AMPH: variants seen among roughly 807,000 people sequenced by gnomAD.
AMPH encodes the protein amphiphysin.
A neutral mutation model predicts 99.1 loss-of-function variants in AMPH; 49 were observed. That is an observed-to-expected ratio of 0.49 (90% CI 0.39 to 0.63). The LOEUF (loss-of-function observed/expected upper bound fraction) is 0.63, where lower values mean the gene tolerates loss of function less well. Among genes scored for constraint, AMPH ranks in the 20% least tolerant of loss-of-function variants. The pLI is 0.00. For synonymous variants in AMPH, 314 were observed against 317.3 expected (o/e 0.99, Z 0.11); for missense variants, 759 against 863.4 (o/e 0.88, Z 1.52).
intron 1 of AMPH, among the ~76,000 whole-genome samples, chr7:38,537,263 T>G (rs928640786): frequency 6.6e-6 from 1 of 152,110 alleles, no homozygotes; most frequent in Admixed American, 6.5e-5. Context: ...TCTGATTGAG[T>G]GGCTCACATG....
chr7:38,401,689 C>T (rs1301365927), intron 17 of AMPH, among the ~76,000 whole-genome samples: 1 of 152,044 alleles, frequency 6.6e-6, no homozygotes, highest in East Asian at 1.9e-4. Context: ...ATTTGTAGTG[C>T]TTTCTTATTT....
intron 1 of AMPH, among the ~76,000 whole-genome samples, chr7:38,622,540 G>A (rs1230798166): frequency 6.6e-6 from 1 of 151,908 alleles, no homozygotes; most frequent in Non-Finnish European, 1.5e-5. Context: ...TTACAGGAAT[G>A]GATACCAGAG....
At chr7:38,613,161 T>C (rs1401145950) in intron 1 of AMPH, among the ~76,000 whole-genome samples, 2 of 152,220 alleles carry the variant, frequency 1.3e-5, no homozygotes, top group East Asian at 1.9e-4. Flanking sequence ...GAATCCATAA[T>C]TGACTCATTC....
chr7:38,464,144 G>T (rs1584125639), intron 9 of AMPH: 5 of 1,288,896 alleles, frequency 3.9e-6, no homozygotes, highest in Non-Finnish European at 5.1e-6. Flanking sequence ...TCATTAAGTG[G>T]TCATGGCCCC....
At chr7:38,489,752 C>T (rs889405322) in intron 5 of AMPH, among the ~76,000 whole-genome samples, 2 of 152,032 alleles carry the variant, frequency 1.3e-5, no homozygotes, top group Non-Finnish European at 2.9e-5. Context: ...TACAAACAAC[C>T]TCAGAGAAGC....
At chr7:38,447,177 G>A (rs1436439447) in intron 11 of AMPH, among the ~76,000 whole-genome samples, 3 of 152,060 alleles carry the variant, frequency 2.0e-5, no homozygotes, top group Non-Finnish European at 4.4e-5. Context: ...GTGCCACCAT[G>A]CCCAGTCAAT....
chr7:38,466,364 T>C (rs995292052), intron 7 of AMPH, 116 bp from the exon 8 acceptor site: 2 of 802,814 alleles, frequency 2.5e-6, no homozygotes, highest in Non-Finnish European at 4.0e-6. Flanking sequence ...CCATTTTGAA[T>C]AACTTTGGAC....
intron 17 of AMPH, among the ~76,000 whole-genome samples, chr7:38,397,648 G>A (rs79423931): frequency 0.058 from 8,837 of 152,236 alleles, 356 homozygotes; most frequent in East Asian, 0.19. Flanking sequence ...CACACAAAGC[G>A]AAAATGGACA....
chr7:38,525,291 G>GAA (rs1562806935), intron 2 of AMPH, among the ~76,000 whole-genome samples: 1 of 128,184 alleles, frequency 7.8e-6, no homozygotes, highest in Non-Finnish European at 1.7e-5. Flanking sequence ...GAGAGAGAGA[G>GAA]AGAGAGAGAG....
intron 7 of AMPH, among the ~76,000 whole-genome samples, chr7:38,471,944 T>C (rs1445298030): frequency 6.6e-6 from 1 of 152,062 alleles, no homozygotes; most frequent in African/African-American, 2.4e-5. Flanking sequence ...TATAAACATA[T>C]ATACACCTAA....
rs1456776229 is a variant in AMPH at position 38,465,535 on chromosome 7, C to T, written c.681G>A (p.Leu227=). 6.3e-7 allele frequency: 1 copy of T among 1,582,346 alleles called. No homozygotes were observed. Among genetic ancestry groups the T allele is most frequent in the East Asian group, 2.3e-5 (1 of 44,088 alleles). Residue 227 remains leucine (L), a synonymous_variant, in exon 9 of 21, where the codon CTG becomes CTA. Coordinates refer to ENST00000356264, the MANE Select transcript of AMPH (RefSeq NM_001635.4). ...HKEIAVLCHK[L]YEVMTKLGDQ... is the part of the protein sequence containing the mutation. ...CACCCAGTTTTGTCATCACTTCATACAGTTTGTGGCAAAGCTAAGGGGACA... is the reference window on the plus strand; with the variant it reads ...CACCCAGTTTTGTCATCACTTCATATAGTTTGTGGCAAAGCTAAGGGGACA...
rs1336990733 is a variant in AMPH, at chr7:38,460,651, C to G, written c.1017+632G>C. 2.6e-5 allele frequency among the ~76,000 whole-genome samples: 4 copies of G among 152,102 alleles called. No individual in the cohort carries two copies. In the East Asian group the frequency reaches 7.7e-4, roughly 29 times the overall value. ...TAATATATGGGAGCTTAGAAACAAT[C>G]GATCTCATGGAGATAGAGGATAGAA... On this transcript the variant is annotated intron_variant, in intron 11 of 20. Transcript: ENST00000356264.
chr7:38,584,866 T>C (rs1284795957), intron 1 of AMPH, among the ~76,000 whole-genome samples: 1 of 152,188 alleles, frequency 6.6e-6, no homozygotes, highest in Non-Finnish European at 1.5e-5. Flanking sequence ...CGGGCTTGAA[T>C]CCAGTGTGCA....
At chr7:38,478,931 G>A (rs1236701019) in intron 5 of AMPH, among the ~76,000 whole-genome samples, 1 of 151,764 alleles carries the variant, frequency 6.6e-6, no homozygotes, top group African/African-American at 2.4e-5. Flanking sequence ...AACACAAAAA[G>A]GAAAAAGAAT....
chr7:38,437,639 A>AAAAGAAAAGAAAAG (rs1554336213), intron 11 of AMPH, among the ~76,000 whole-genome samples: 1 of 96,728 alleles, frequency 1.0e-5, no homozygotes, highest in Non-Finnish European at 1.9e-5. Flanking sequence ...AAAAAAAAAA[A>AAAAGAAAAGAAAAG]AAAAGAAAAG....
intron 2 of AMPH, among the ~76,000 whole-genome samples, chr7:38,511,135 A>G (rs575190746): frequency 6.6e-6 from 1 of 152,250 alleles, no homozygotes; most frequent in East Asian, 1.9e-4. Flanking sequence ...GAGTTACATA[A>G]AGTATCTGCT....
At chr7:38,481,544 A>C (rs1016221500) in intron 5 of AMPH, among the ~76,000 whole-genome samples, 1 of 152,274 alleles carries the variant, frequency 6.6e-6, no homozygotes, top group South Asian at 2.1e-4. Flanking sequence ...AACTGCTCAC[A>C]GCTGTAAGCC....
At chr7:38,534,869 A>C in intron 2 of AMPH, 62 bp downstream of exon 2, 3 of 1,425,612 alleles carry the variant, frequency 2.1e-6, no homozygotes, top group Non-Finnish European at 2.9e-6. Flanking sequence ...TTTTACTTAC[A>C]TACTAAGACA....
chr7:38,549,798 T>C lies in AMPH; in HGVS notation c.70-14787A>G, dbSNP rs576679492. ...GTTACTAAGACAAAACCTCTCTCTATGGACTGCATTCTCACAAGATAATTA... is the reference window on the plus strand; with the variant it reads ...GTTACTAAGACAAAACCTCTCTCTACGGACTGCATTCTCACAAGATAATTA... On this transcript the variant is annotated intron_variant, in intron 1 of 20. Coordinates refer to ENST00000356264, the MANE Select transcript of AMPH (RefSeq NM_001635.4). Among the ~76,000 whole-genome samples, 212 of 152,344 alleles carry C rather than the reference T, an allele frequency of 1.4e-3. 1 individual carries two copies. Among genetic ancestry groups the C allele is most frequent in the Middle Eastern group, 6.8e-3 (2 of 294 alleles).
Sources: gnomAD v4.1 joint callset for allele counts (sites outside exome capture counted in the v4.1 genomes callset) on GRCh38, gnomAD v4.1.1 for gene constraint, MANE v1.5 for transcripts, NCBI Gene and HGNC (gene_info 2026-07-23, HGNC 2026-07-21) for gene names.